The following HK2 variants were observed in gnomAD, a reference collection of about 807,000 sequenced individuals.
The protein encoded by HK2 is hexokinase 2.
Under a neutral mutation model 92.9 loss-of-function variants are expected in HK2, and 42 were observed. The ratio of observed to expected loss-of-function variants is 0.45; its 90% confidence interval spans 0.35 to 0.58. The LOEUF (loss-of-function observed/expected upper bound fraction) is 0.58. Among genes scored for constraint, HK2 ranks in the 20% least tolerant of loss-of-function variants. The pLI is 0.00. For synonymous variants in HK2, 422 were observed against 468.0 expected, an observed-to-expected ratio of 0.90 and a Z score of 1.27; for missense variants, 978 against 1,245.1, an observed-to-expected ratio of 0.79 and a Z score of 3.23.
At position 74,874,336 on chromosome 2, in the gene HK2, G is replaced by A. The variant is rs764793914; in HGVS notation, c.762G>A (p.Arg254=). The A allele has an allele frequency of 1.2e-6, 2 of 1,614,062 alleles. No individual in the cohort carries two copies. Among genetic ancestry groups the A allele is most frequent in the African/African-American group, 2.7e-5 (2 of 74,908 alleles). ...HIDMVEGDEG[R]MCINMEWGAF... is the part of the protein sequence containing the mutation. ...ACATGGTGGAAGGCGATGAGGGGCG[G>A]ATGTGTATCAATATGGAGTGGGGGG... The change falls in exon 7 of 18, where the codon CGG becomes CGA. Residue 254 remains arginine (R), a synonymous_variant. Transcript: ENST00000290573.
intron 4 of HK2, 115 bp downstream of exon 4, chr2:74,872,534 G>A: frequency 8.3e-7 from 1 of 1,204,448 alleles, no homozygotes; most frequent in South Asian, 1.2e-5. Flanking sequence ...TTGTGGAGAT[G>A]AAGTTCTGCC....
intron 7 of HK2, 41 bp downstream of exon 7, chr2:74,874,490 C>T (rs1689179496): frequency 1.9e-6 from 3 of 1,551,834 alleles, no homozygotes; most frequent in Non-Finnish European, 2.6e-6. Flanking sequence ...TGGCGGGGGC[C>T]TGGAGCTGAG....
At chr2:74,839,659 A>ATTTTTT (rs10675736) in intron 1 of HK2, among the ~76,000 whole-genome samples, 2 of 143,228 alleles carry the variant, frequency 1.4e-5, no homozygotes, top group Non-Finnish European at 1.5e-5. Flanking sequence ...GCCAAAGTCA[A>ATTTTTT]TTTTTTTTTT....
At chr2:74,858,285 A>G (rs1435680987) in intron 2 of HK2, among the ~76,000 whole-genome samples, 1 of 152,152 alleles carries the variant, frequency 6.6e-6, no homozygotes, top group African/African-American at 2.4e-5. Flanking sequence ...CACTGCCTTA[A>G]ATGATCCTTG....
At chr2:74,871,740 T>C (rs1689103660) in intron 3 of HK2, among the ~76,000 whole-genome samples, 2 of 152,210 alleles carry the variant, frequency 1.3e-5, no homozygotes, top group African/African-American at 2.4e-5. Flanking sequence ...TTTTCTAGAA[T>C]GGAGAAAAAA....
chr2:74,834,477 C>G lies in HK2; in HGVS notation c.-104C>G. On this transcript the variant is annotated 5_prime_UTR_variant, in exon 1 of 18. Coordinates refer to ENST00000290573, the MANE Select transcript of HK2 (RefSeq NM_000189.5). This position sits in a 1 kb window ranked among gnomAD's most constrained non-coding sequence, Gnocchi z 4.2. ...GCCGTCCGGACTCCCAGCTCCCGGCCCGGCAGCCGAGCCCCAGCACAAAGC... is the reference window on the plus strand; with the variant it reads ...GCCGTCCGGACTCCCAGCTCCCGGCGCGGCAGCCGAGCCCCAGCACAAAGC... 1 of 1,183,350 alleles carries G rather than the reference C, an allele frequency of 8.5e-7. No homozygotes were observed. The highest frequency in any genetic ancestry group is 1.2e-6 in the Non-Finnish European group (1 of 801,228). 73.3% of individuals were successfully genotyped at this position (1,183,350 alleles called of 1,614,324 possible).
At chr2:74,888,086 G>C in intron 16 of HK2, 28 bp downstream of exon 16, 1 of 1,612,764 alleles carries the variant, frequency 6.2e-7, no homozygotes, top group Non-Finnish European at 8.5e-7. Flanking sequence ...AGGGTAGCAG[G>C]GGGGCCATGT....
At chr2:74,844,704 A>G (rs1688396613) in intron 1 of HK2, among the ~76,000 whole-genome samples, 2 of 152,194 alleles carry the variant, frequency 1.3e-5, no homozygotes, top group Admixed American at 1.3e-4. Context: ...GGGTAGGCAG[A>G]GTCTGACTTC....
rs780526388 is a variant in HK2, at chr2:74,877,305, A to G, written c.1015A>G (p.Ile339Val). 1.2e-6 allele frequency: 2 copies of G among 1,614,178 alleles called. No individual in the cohort carries two copies. Among genetic ancestry groups the G allele is most frequent in the South Asian group, 2.2e-5 (2 of 91,082 alleles). ...LNTGRFETKD[I>V]SDIEGEKDGI... is the part of the protein sequence containing the mutation. Reference sequence around the variant, plus strand: ...CACCGGTCGCTTTGAGACCAAAGACATCTCAGACATTGAAGGGTGAGCTTC... The same window carrying G: ...CACCGGTCGCTTTGAGACCAAAGACGTCTCAGACATTGAAGGGTGAGCTTC... The change falls in exon 8 of 18, where the codon ATC becomes GTC. Residue 339 changes from isoleucine (I) to valine (V), a missense_variant. Coordinates refer to ENST00000290573, the MANE Select transcript of HK2 (RefSeq NM_000189.5).
intron 1 of HK2, among the ~76,000 whole-genome samples, chr2:74,841,662 C>T (rs1472071153): frequency 6.6e-6 from 1 of 152,196 alleles, no homozygotes; most frequent in Non-Finnish European, 1.5e-5. Context: ...CCCACAGTTC[C>T]TTGCTGGGGG....
chr2:74,879,501 C>T (rs534979804), intron 9 of HK2, among the ~76,000 whole-genome samples: 6 of 152,332 alleles, frequency 3.9e-5, no homozygotes, highest in African/African-American at 1.4e-4. Flanking sequence ...CAGGAGGCCT[C>T]AGCCCTGAGA....
At chr2:74,860,174 T>G (rs1688791163) in intron 2 of HK2, among the ~76,000 whole-genome samples, 1 of 56,228 alleles carries the variant, frequency 1.8e-5, no homozygotes, top group East Asian at 3.6e-4. Context: ...AGGGTGAGGG[T>G]AGGAGGGTGG....
chr2:74,842,461 C>T (rs1317863985), intron 1 of HK2, among the ~76,000 whole-genome samples: 4 of 152,264 alleles, frequency 2.6e-5, no homozygotes, highest in South Asian at 2.1e-4. Context: ...CATTGTAAGT[C>T]GGAGCATCTG....
chr2:74,843,707 T>G (rs952086627), intron 1 of HK2, among the ~76,000 whole-genome samples: 1 of 152,134 alleles, frequency 6.6e-6, no homozygotes, highest in Non-Finnish European at 1.5e-5. Flanking sequence ...CCCAATCCCT[T>G]CCTTCTGGCA....
At chr2:74,889,712 G>A (rs1399650813) in intron 17 of HK2, among the ~76,000 whole-genome samples, 1 of 152,094 alleles carries the variant, frequency 6.6e-6, no homozygotes, top group Non-Finnish European at 1.5e-5. Context: ...ATTCTCCCAT[G>A]CCAGGGGTAA....
At chr2:74,885,885 C>CACACAA (rs58908262) in intron 13 of HK2, among the ~76,000 whole-genome samples, 2,466 of 148,514 alleles carry the variant, frequency 0.017, 101 homozygotes, top group African/African-American at 0.059. Flanking sequence ...CACACACACA[C>CACACAA]AGTAAAGGAA....
At chr2:74,889,641 G>C (rs1689628146) in intron 17 of HK2, among the ~76,000 whole-genome samples, 163 bp downstream of exon 17, 1 of 152,056 alleles carries the variant, frequency 6.6e-6, no homozygotes. Context: ...TCAGAAGTAG[G>C]CCTGTGTTTC....
intron 1 of HK2, chr2:74,835,127 T>G (rs1573345619): frequency 5.0e-6 from 1 of 199,508 alleles, no homozygotes; most frequent in Non-Finnish European, 1.0e-5. Flanking sequence ...GGTTCCCTTC[T>G]CCTTCCCCGC....
chr2:74,874,017 C>T, intron 6 of HK2, 74 bp downstream of exon 6: 1 of 1,186,480 alleles, frequency 8.4e-7, no homozygotes, highest in Non-Finnish European at 1.3e-6. Flanking sequence ...GGAGAAGGGG[C>T]CCATGGGCTG....
Sources: gnomAD v4.1 joint callset for allele counts (sites outside exome capture counted in the v4.1 genomes callset) on GRCh38, gnomAD v4.1.1 for gene constraint, Gnocchi (gnomAD v3.1) non-coding constraint, MANE v1.5 for transcripts, NCBI Gene and HGNC (gene_info 2026-07-23, HGNC 2026-07-21) for gene names.